GINS4: variants seen among roughly 807,000 people sequenced by gnomAD.
GINS4 encodes the protein GINS complex subunit 4.
A neutral mutation model predicts 31.1 loss-of-function variants in GINS4; 20 were observed. The ratio of observed to expected loss-of-function variants is 0.64; its 90% CI spans 0.45 to 0.93. GINS4 has a LOEUF of 0.93. Ranked by LOEUF, GINS4 falls within the 40% of genes least tolerant of loss-of-function variation. The pLI, the probability that GINS4 is intolerant of heterozygous loss-of-function variation, is 0.00. For missense variants in GINS4, 245 were observed against 273.9 expected (o/e 0.89, Z 0.75); for synonymous variants, 85 against 97.9 (o/e 0.87, Z 0.78).
At chr8:41,539,831 C>A in intron 5 of GINS4, 56 bp downstream of exon 5, 1 of 1,565,030 alleles carries the variant, frequency 6.4e-7, no homozygotes, top group Non-Finnish European at 8.8e-7. Context: ...TGAGGCCTGT[C>A]CTAGAGGCCT....
intron 2 of GINS4, among the ~76,000 whole-genome samples, chr8:41,533,125 A>G (rs547031898): frequency 6.6e-6 from 1 of 152,372 alleles, no homozygotes; most frequent in African/African-American, 2.4e-5. Context: ...CACAGTGGGA[A>G]TAAAACAGCA....
At chr8:41,532,314 C>T (rs1806660163) in intron 2 of GINS4, among the ~76,000 whole-genome samples, 1 of 152,032 alleles carries the variant, frequency 6.6e-6, no homozygotes, top group Non-Finnish European at 1.5e-5. Flanking sequence ...TTTTAGTAAT[C>T]AGGAAAATGA....
At chr8:41,532,821 A>G (rs1233142087) in intron 2 of GINS4, among the ~76,000 whole-genome samples, 2 of 149,158 alleles carry the variant, frequency 1.3e-5, no homozygotes, top group African/African-American at 5.0e-5. Context: ...CAACAGAGCA[A>G]GACTCCATCT....
At chr8:41,540,212 G>A (rs1806813501) in intron 6 of GINS4, among the ~76,000 whole-genome samples, 1 of 152,238 alleles carries the variant, frequency 6.6e-6, no homozygotes. Context: ...GTTCCCTGGG[G>A]TGGGCTGAGC....
intron 4 of GINS4, chr8:41,537,915 G>A (rs1806769817): frequency 6.6e-6 from 1 of 152,092 alleles, no homozygotes; most frequent in African/African-American, 2.4e-5. Flanking sequence ...CAGCTACTCA[G>A]GAGGCTGAGA....
chr8:41,532,692 A>G (rs1806667236), intron 2 of GINS4, among the ~76,000 whole-genome samples: 1 of 151,960 alleles, frequency 6.6e-6, no homozygotes, highest in Non-Finnish European at 1.5e-5. Flanking sequence ...AAAATTAGCC[A>G]GGCTTGTTGG....
At chr8:41,536,726 C>G (rs934481388) in intron 3 of GINS4, among the ~76,000 whole-genome samples, 2 of 152,236 alleles carry the variant, frequency 1.3e-5, no homozygotes, top group African/African-American at 4.8e-5. Flanking sequence ...TCCATGTACT[C>G]CCTGCTCCCC....
rs569253859 is a variant in GINS4 at position 41,543,588 on chromosome 8, T to G, written c.*1501T>G. 19 of 152,368 alleles carry G rather than the reference T, an allele frequency of 1.2e-4. No homozygotes were observed. Among genetic ancestry groups the G allele is most frequent in the African/African-American group, 4.3e-4 (18 of 41,584 alleles). 9.4% of individuals were successfully genotyped at this position (152,368 alleles called of 1,614,324 possible). ...AAAAAGCAACCTGCATTCCAGTCTT[T>G]TCTTCCTGGTTGAAGTTGGCAGATT... On this transcript the variant is annotated 3_prime_UTR_variant, in exon 8 of 8. Coordinates refer to ENST00000276533, the MANE Select transcript of GINS4 (RefSeq NM_032336.3).
At chr8:41,537,483 T>G (rs936169409) in intron 4 of GINS4, 190 bp downstream of exon 4, 2 of 549,434 alleles carry the variant, frequency 3.6e-6, no homozygotes, top group Non-Finnish European at 6.5e-6. Flanking sequence ...GAGGAACGTG[T>G]GTGGCCCACT....
rs1176678541 is a variant in GINS4 at position 41,541,979 on chromosome 8, C to T, written c.576-12C>T. 10 of 1,613,564 alleles carry T rather than the reference C, an allele frequency of 6.2e-6. No individual in the cohort carries two copies. The South Asian group carries it at 9.9e-5, about 16-fold the overall frequency. ...CGAGCTCTGCAGGCAAATGTGTTTC[C>T]CTCTTTTTCAGGGACTACGTGATTG... On this transcript the variant is annotated splice_polypyrimidine_tract_variant and intron_variant, in intron 7 of 7. Coordinates refer to ENST00000276533, the MANE Select transcript of GINS4 (RefSeq NM_032336.3).
chr8:41,542,639 T>G lies in GINS4; in HGVS notation c.*552T>G, dbSNP rs1008958353. ...TCTAGCCTGGGCGACAGAGCGAGAC[T>G]CCATTTCCAAAAAAAACACACTAGG... On this transcript the variant is annotated 3_prime_UTR_variant, in exon 8 of 8. Transcript: ENST00000276533. 4.5e-5 allele frequency: 7 copies of G among 154,938 alleles called. No individual in the cohort carries two copies. The highest frequency in any genetic ancestry group is 1.7e-4 in the African/African-American group (7 of 41,432). The allele number at this position is 154,938 out of a possible 1,614,324, so 9.6% of individuals were successfully genotyped here.
Position 41,532,682 on chromosome 8 carries a change from A to G in GINS4, c.96+2384A>G, listed in dbSNP as rs1327032187. ...AAACCCCGTCTCTACCAAAAATACA[A>G]AAATTAGCCAGGCTTGTTGGCATGC... On this transcript the variant is annotated intron_variant, in intron 2 of 7. Transcript: ENST00000276533. Among the ~76,000 whole-genome samples, 4 of 152,182 alleles carry G rather than the reference A, an allele frequency of 2.6e-5. No homozygotes were observed. In the East Asian group the frequency reaches 7.7e-4, roughly 29 times the overall value.
intron 2 of GINS4, among the ~76,000 whole-genome samples, chr8:41,531,102 G>A (rs992825497): frequency 1.1e-4 from 17 of 152,106 alleles, no homozygotes; most frequent in African/African-American, 2.4e-4. Flanking sequence ...GTAAAATCCC[G>A]TCTCTACTAA....
chr8:41,542,405 A>C lies in GINS4; in HGVS notation c.*318A>C, dbSNP rs1806859754. The C allele has an allele frequency of 2.7e-6, 1 of 370,216 alleles. No individual in the cohort carries two copies. Among genetic ancestry groups the C allele is most frequent in the Non-Finnish European group, 5.0e-6 (1 of 198,054 alleles). 22.9% of individuals were successfully genotyped at this position (370,216 alleles called of 1,614,324 possible). On this transcript the variant is annotated 3_prime_UTR_variant, in exon 8 of 8. Transcript: ENST00000276533. Reference sequence around the variant, plus strand: ...TCAAAAAAAAAAACAAAAAACAAAAAAAAAACAAACTAGGCATAAACTCAT... The same window carrying C: ...TCAAAAAAAAAAACAAAAAACAAAACAAAAACAAACTAGGCATAAACTCAT...
intron 2 of GINS4, among the ~76,000 whole-genome samples, chr8:41,533,626 C>T (rs1806687822): frequency 6.6e-6 from 1 of 152,198 alleles, no homozygotes; most frequent in Non-Finnish European, 1.5e-5. Context: ...ATGAGAACAG[C>T]TCCAGGAGCA....
rs1806812860 is a variant in GINS4, at chr8:41,540,172, CA to C, written c.484+170del. Reference sequence around the variant, plus strand: ...CCAAAAAAATCACGGAAAGCAGATCCAATGGTAGGCATTTGAGCATTGCTTC... The same window carrying C: ...CCAAAAAAATCACGGAAAGCAGATCCATGGTAGGCATTTGAGCATTGCTTC... On this transcript the variant is annotated intron_variant, in intron 6 of 7. Transcript: ENST00000276533. Among the ~76,000 whole-genome samples the C allele has an allele frequency of 3.3e-5, 5 of 152,194 alleles. No individual in the cohort carries two copies. The South Asian group carries it at 1.0e-3, about 31-fold the overall frequency.
chr8:41,539,894 G>T (rs756737483), intron 5 of GINS4, 22 bp from the exon 6 acceptor site: 1 of 1,610,714 alleles, frequency 6.2e-7, no homozygotes, highest in Non-Finnish European at 8.5e-7. Flanking sequence ...ACACCACAGC[G>T]ATTTGAATCC....
At chr8:41,530,035 T>C (rs1806626523) in intron 1 of GINS4, 149 bp from the exon 2 acceptor site, 6 of 573,868 alleles carry the variant, frequency 1.0e-5, no homozygotes, top group Non-Finnish European at 1.9e-5. Context: ...ACTGGAAAAC[T>C]AGAGTCCCTG....
At chr8:41,540,256 A>G (rs1399060882) in intron 6 of GINS4, 2 of 535,590 alleles carry the variant, frequency 3.7e-6, no homozygotes, top group East Asian at 6.7e-5. Flanking sequence ...AGACTCGGGC[A>G]TGGAGCCGCG....
Sources: allele counts gnomAD v4.1 joint callset (sites outside exome capture counted in the v4.1 genomes callset), GRCh38; gene constraint gnomAD v4.1.1; transcripts MANE v1.5; gene names NCBI Gene and HGNC (gene_info 2026-07-23, HGNC 2026-07-21).